Variants in SYCP2 observed in about 807,000 individuals in gnomAD.
SYCP2 encodes the protein synaptonemal complex lateral element protein.
SYCP2 carries 55 observed loss-of-function variants against 211.3 expected under a neutral mutation model. That is an observed-to-expected ratio of 0.26 (90% CI 0.21 to 0.33). SYCP2 has a LOEUF of 0.33. Among genes scored for constraint, SYCP2 ranks in the 10% least tolerant of loss-of-function variants. The pLI is 1.00. For synonymous variants in SYCP2, 570 were observed against 555.2 expected (o/e 1.03, Z -0.37); for missense variants, 1,731 against 1,752.0 (o/e 0.99, Z 0.21).
At chr20:59,875,582 G>T (rs2145637119) in intron 33 of SYCP2, 113 bp from the exon 34 acceptor site, 1 of 737,730 alleles carries the variant, frequency 1.4e-6, no homozygotes, top group Non-Finnish European at 2.1e-6. Flanking sequence ...CCACATACAG[G>T]CATAACAAGG....
intron 7 of SYCP2, among the ~76,000 whole-genome samples, chr20:59,917,163 C>G (rs1209478486): frequency 6.6e-6 from 1 of 151,630 alleles, no homozygotes; most frequent in Admixed American, 6.6e-5. Context: ...AAATATAGTT[C>G]AAAATTGAAA....
chr20:59,910,420 G>A (rs1279953015), intron 14 of SYCP2, among the ~76,000 whole-genome samples: 2 of 111,444 alleles, frequency 1.8e-5, no homozygotes. Context: ...TCCCACTGTC[G>A]CCCAGGCTGG....
At chr20:59,870,868 G>A (rs1036746823) in intron 35 of SYCP2, among the ~76,000 whole-genome samples, 15 of 151,536 alleles carry the variant, frequency 9.9e-5, no homozygotes, top group East Asian at 1.9e-4. Context: ...TCCTGATGTC[G>A]CACTAATTTG....
chr20:59,891,943 T>A (rs34313076), intron 24 of SYCP2, 47 bp downstream of exon 24: 71,073 of 1,442,578 alleles, frequency 0.049, 2,115 homozygotes, highest in South Asian at 0.074. Flanking sequence ...TGTTATCAAG[T>A]AGGCATCTTA....
At chr20:59,929,860 ATTAT>A (rs1295249786) in intron 2 of SYCP2, among the ~76,000 whole-genome samples, 1 of 152,116 alleles carries the variant, frequency 6.6e-6, no homozygotes, top group Non-Finnish European at 1.5e-5. Flanking sequence ...GAGAATTTTA[ATTAT>A]TTATTTAGAG....
chr20:59,882,825 A>G (rs1319210692), intron 26 of SYCP2, among the ~76,000 whole-genome samples: 2 of 152,228 alleles, frequency 1.3e-5, no homozygotes, highest in South Asian at 2.1e-4. Context: ...AAATATATAT[A>G]TTACCAGTGA....
At chr20:59,916,179 T>A (rs977894996) in intron 8 of SYCP2, among the ~76,000 whole-genome samples, 99 of 152,330 alleles carry the variant, frequency 6.5e-4, no homozygotes, top group African/African-American at 2.3e-3. Flanking sequence ...ATTTTGTTCT[T>A]ATGATTATAG....
At chr20:59,908,279 C>T (rs138467579) in intron 14 of SYCP2, among the ~76,000 whole-genome samples, 95 of 151,664 alleles carry the variant, frequency 6.3e-4, no homozygotes, top group African/African-American at 2.2e-3. Flanking sequence ...CAAAACAAAA[C>T]GAAAAAAAAC....
rs564571051 is a variant in SYCP2, at chr20:59,877,993, A to C, written c.2979+15T>G. On this transcript the variant is annotated intron_variant, in intron 32 of 44. Transcript: ENST00000357552. ...AATTTTAAAGGGATGTTTGAACACA[A>C]ACTTCTTGGCTTACCATTTTAGAGC... The C allele has an allele frequency of 7.6e-6, 12 of 1,588,144 alleles. No individual in the cohort carries two copies. Among genetic ancestry groups the C allele is most frequent in the Non-Finnish European group, 1.0e-5 (12 of 1,165,924 alleles).
In SYCP2 at chr20:59,880,435, C is replaced by T; in HGVS notation, c.2809G>A (p.Asp937Asn). The T allele has an allele frequency of 6.3e-7, 1 of 1,586,862 alleles. No individual in the cohort carries two copies. The highest frequency in any genetic ancestry group is 8.6e-7 in the Non-Finnish European group (1 of 1,165,430). The change falls in exon 31 of 45, where the codon GAT becomes AAT. Residue 937 changes from aspartate (D) to asparagine (N), a missense_variant. Physicochemically the swap from Asp to Asn is conservative, Grantham distance 23. This residue lies in a region of SYCP2 where 1,387 missense variants were observed against 1,351.3 expected (regional missense o/e 1.03). Coordinates refer to ENST00000357552, the MANE Select transcript of SYCP2 (RefSeq NM_014258.4). ...TCACATCTGTACTCTGTTTCAGTAT[C>T]ACTAAACAGATTTTTCTTTTGATGA... ...TNHQKKNLFS[D>N]TETEYRCDDS...
At chr20:59,866,924 T>A (rs929150852) in intron 39 of SYCP2, among the ~76,000 whole-genome samples, 2 of 150,280 alleles carry the variant, frequency 1.3e-5, no homozygotes, top group South Asian at 4.2e-4. Context: ...TTTAAAACCA[T>A]TTTTTTCACA....
At chr20:59,904,419 G>A (rs959116006) in intron 15 of SYCP2, among the ~76,000 whole-genome samples, 1 of 152,014 alleles carries the variant, frequency 6.6e-6, no homozygotes, top group African/African-American at 2.4e-5. Flanking sequence ...CAACAGACTG[G>A]GATGGCCACA....
At chr20:59,903,340 G>C (rs574283506) in intron 15 of SYCP2, among the ~76,000 whole-genome samples, 10 of 152,138 alleles carry the variant, frequency 6.6e-5, no homozygotes, top group African/African-American at 2.4e-4. Flanking sequence ...ACATAAGAAT[G>C]AATAGGAAGA....
chr20:59,909,240 T>C (rs1026032405), intron 14 of SYCP2, among the ~76,000 whole-genome samples: 2 of 152,240 alleles, frequency 1.3e-5, no homozygotes, highest in African/African-American at 4.8e-5. Flanking sequence ...CTGTCATTTA[T>C]ATACAGATAG....
intron 36 of SYCP2, among the ~76,000 whole-genome samples, chr20:59,869,133 T>C (rs1170387105): frequency 6.6e-6 from 1 of 151,780 alleles, no homozygotes; most frequent in African/African-American, 2.4e-5. Context: ...ATAGCTGTGA[T>C]GTGAGCTACT....
At chr20:59,871,807 T>C (rs1414604188) in intron 35 of SYCP2, among the ~76,000 whole-genome samples, 1 of 151,986 alleles carries the variant, frequency 6.6e-6, no homozygotes, top group Middle Eastern at 3.2e-3. Flanking sequence ...ATGTGTTGTT[T>C]AGGAAATGGT....
At chr20:59,918,388 C>G (rs2060481988) in intron 7 of SYCP2, among the ~76,000 whole-genome samples, 1 of 152,186 alleles carries the variant, frequency 6.6e-6, no homozygotes, top group Non-Finnish European at 1.5e-5. Context: ...AAACAGGAAG[C>G]AACATCTCCA....
intron 16 of SYCP2, 143 bp from the exon 17 acceptor site, chr20:59,900,961 A>G (rs779892902): frequency 7.7e-6 from 5 of 645,898 alleles, no homozygotes; most frequent in Admixed American, 2.5e-5. Context: ...CTTTGCATAT[A>G]TGAATACCTT....
chr20:59,890,858 G>C (rs1369883477), intron 24 of SYCP2, among the ~76,000 whole-genome samples: 1 of 151,654 alleles, frequency 6.6e-6, no homozygotes, highest in Non-Finnish European at 1.5e-5. Flanking sequence ...TCTTTGTTCG[G>C]ACAAAAAGAA....
Sources: gnomAD v4.1 joint callset for allele counts (sites outside exome capture counted in the v4.1 genomes callset) on GRCh38, gnomAD v4.1.1 for gene constraint, gnomAD v4.1.1 regional missense constraint, MANE v1.5 for transcripts, NCBI Gene and HGNC (gene_info 2026-07-23, HGNC 2026-07-21) for gene names.